The following DNAH10 variants were observed in gnomAD, a reference collection of about 807,000 sequenced individuals.
The protein encoded by DNAH10 is dynein axonemal heavy chain 10.
A neutral mutation model predicts 506.6 loss-of-function variants in DNAH10; 348 were observed. The observed-to-expected ratio is 0.69, with a 90% confidence interval of 0.63 to 0.75. DNAH10 has a LOEUF of 0.75. Among genes scored for constraint, DNAH10 ranks in the 30% least tolerant of loss-of-function variants. DNAH10 has a pLI of 0.00. For synonymous variants in DNAH10, 2,059 were observed against 2,198.6 expected (o/e 0.94, Z 1.78); for missense variants, 5,179 against 5,787.1 (o/e 0.89, Z 3.41).
intron 15 of DNAH10, 64 bp from the exon 16 acceptor site, chr12:123,801,217 G>T (rs1362992395): frequency 6.6e-7 from 1 of 1,507,346 alleles, no homozygotes; most frequent in Admixed American, 2.2e-5. Flanking sequence ...TCTCTTGACC[G>T]CAAAAGCTTT....
At position 123,935,678 on chromosome 12, in the gene DNAH10, G is replaced by A. The variant is rs1236750510; in HGVS notation, c.*197G>A. On this transcript the variant is annotated 3_prime_UTR_variant, in exon 79 of 79. Coordinates refer to ENST00000673944, the MANE Select transcript of DNAH10 (RefSeq NM_001372106.1). ...TTGTTTTTAATACTACTTTTTAAAA[G>A]GAATTTATATAATCAAAAAGTAAAT... The A allele has an allele frequency of 6.1e-6, 3 of 494,816 alleles. No homozygotes were observed. The highest frequency in any genetic ancestry group is 6.9e-6 in the Non-Finnish European group (2 of 291,064). The allele number at this position is 494,816 out of a possible 1,614,324, so 30.7% of individuals were successfully genotyped here. A position where few individuals can be genotyped will look rare whatever the true frequency, so the allele number is the denominator to read the frequency against.
rs142123133 is a variant in DNAH10 at position 123,925,005 on chromosome 12, T to C, written c.11767-45T>C. The C allele has an allele frequency of 4.5e-4, 725 of 1,607,652 alleles. 3 individuals are homozygous for C. In the African/African-American group the frequency reaches 9.1e-3, roughly 20 times the overall value. ...CTTCACACATAAATGGGGACCTATG[T>C]CATTTCTGAGTTGACGCACAATGAA... On this transcript the variant is annotated intron_variant, in intron 67 of 78. Coordinates refer to ENST00000673944, the MANE Select transcript of DNAH10 (RefSeq NM_001372106.1). This position sits in a 1 kb window ranked among gnomAD's most constrained non-coding sequence, Gnocchi z 4.0.
chr12:123,901,969 A>G (rs562800739), intron 56 of DNAH10, among the ~76,000 whole-genome samples: 51 of 152,230 alleles, frequency 3.4e-4, no homozygotes, highest in African/African-American at 1.2e-3. Context: ...CCAACAACAG[A>G]AATTTATTCT....
chr12:123,863,318 C>T (rs1221321399), intron 39 of DNAH10, among the ~76,000 whole-genome samples: 1 of 152,192 alleles, frequency 6.6e-6, no homozygotes, highest in African/African-American at 2.4e-5. Context: ...GTGTGTAACC[C>T]AGGGCTTGTG....
intron 23 of DNAH10, among the ~76,000 whole-genome samples, chr12:123,820,178 G>A (rs373590066): frequency 3.3e-5 from 5 of 152,286 alleles, no homozygotes; most frequent in Non-Finnish European, 5.9e-5. Context: ...GAGCAGGGAC[G>A]TAGTGACCTA....
Position 123,887,115 on chromosome 12 carries a change from C to G in DNAH10, c.8824-27C>G, listed in dbSNP as rs768885169. 1.1e-5 allele frequency: 18 copies of G among 1,577,764 alleles called. No homozygotes were observed. The Admixed American group carries it at 3.3e-4, about 29-fold the overall frequency. ...GGAAGGGAGGCTGGTGGTGGTGACG[C>G]CCATGTGCTCTGTGTCTGCATCGCA... On this transcript the variant is annotated intron_variant, in intron 51 of 78. Coordinates refer to ENST00000673944, the MANE Select transcript of DNAH10 (RefSeq NM_001372106.1).
intron 2 of DNAH10, among the ~76,000 whole-genome samples, chr12:123,769,699 T>C (rs1192088982): frequency 2.0e-5 from 3 of 152,128 alleles, no homozygotes; most frequent in Admixed American, 6.5e-5. Flanking sequence ...GGTGGTAAAA[T>C]GGATGTCACT....
chr12:123,837,704 A>G (rs1318464203), intron 28 of DNAH10, among the ~76,000 whole-genome samples: 3 of 150,772 alleles, frequency 2.0e-5, no homozygotes, highest in Non-Finnish European at 3.0e-5. Flanking sequence ...CCTCCCAGGT[A>G]GCTGGGACTG....
At chr12:123,790,598 G>T (rs1958042256) in intron 11 of DNAH10, among the ~76,000 whole-genome samples, 1 of 152,120 alleles carries the variant, frequency 6.6e-6, no homozygotes, top group Admixed American at 6.6e-5. Flanking sequence ...GGGGTTTCAG[G>T]TGGGAAGAAC....
chr12:123,866,189 T>A (rs1263474565), intron 41 of DNAH10, 116 bp downstream of exon 41: 1 of 606,484 alleles, frequency 1.6e-6, no homozygotes. Context: ...GACCTGCCCA[T>A]GTCCCTGAGC....
chr12:123,771,955 C>T (rs548152150), intron 3 of DNAH10, among the ~76,000 whole-genome samples: 2 of 152,212 alleles, frequency 1.3e-5, no homozygotes, highest in Non-Finnish European at 2.9e-5. Flanking sequence ...AAAAAACGTG[C>T]ACAGGACAGA....
Position 123,853,500 on chromosome 12 carries a change from G to T in DNAH10, c.6438+148G>T. On this transcript the variant is annotated intron_variant, in intron 36 of 78. Transcript: ENST00000673944. The surrounding 1 kb of genome is among the most constrained non-coding windows in gnomAD (Gnocchi z 4.7). Reference sequence around the variant, plus strand: ...TCACCCCGCGGTCTGGCCTTACTTTGGCCTCTTACCTGTTGTATCGTTTGC... The same window carrying T: ...TCACCCCGCGGTCTGGCCTTACTTTTGCCTCTTACCTGTTGTATCGTTTGC... 1 of 1,069,356 alleles carries T rather than the reference G, an allele frequency of 9.4e-7. No individual in the cohort carries two copies. Among genetic ancestry groups the T allele is most frequent in the Non-Finnish European group, 1.3e-6 (1 of 780,926 alleles). 66.2% of individuals were successfully genotyped at this position (1,069,356 alleles called of 1,614,324 possible).
chr12:123,808,673 C>G, intron 18 of DNAH10, 124 bp from the exon 19 acceptor site: 1 of 938,980 alleles, frequency 1.1e-6, no homozygotes, highest in Admixed American at 2.2e-5. Context: ...CTGTCTAGGA[C>G]AGCCTCACAG....
chr12:123,935,567 C>A lies in DNAH10; in HGVS notation c.*86C>A. 1 of 1,407,184 alleles carries A rather than the reference C, an allele frequency of 7.1e-7. No individual in the cohort carries two copies. The highest frequency in any genetic ancestry group is 1.9e-5 in the Admixed American group (1 of 53,074). The allele number at this position is 1,407,184 out of a possible 1,614,324, so 87.2% of individuals were successfully genotyped here. A position where few individuals can be genotyped will look rare whatever the true frequency, so the allele number is the denominator to read the frequency against. On this transcript the variant is annotated 3_prime_UTR_variant, in exon 79 of 79. Coordinates refer to ENST00000673944, the MANE Select transcript of DNAH10 (RefSeq NM_001372106.1). ...TCTGCTGTCATTTCTTGGGGCCTCTCAAGAGGCAGGAGGGGGACTGACACT... is the reference window on the plus strand; with the variant it reads ...TCTGCTGTCATTTCTTGGGGCCTCTAAAGAGGCAGGAGGGGGACTGACACT...
At chr12:123,818,370 T>C (rs554709993) in intron 21 of DNAH10, among the ~76,000 whole-genome samples, 1 of 152,206 alleles carries the variant, frequency 6.6e-6, no homozygotes, top group African/African-American at 2.4e-5. Context: ...GTCACCGAGG[T>C]TGGAGTGCAG....
rs143856393 is a variant in DNAH10, at chr12:123,907,349, A to G, written c.9816-1912A>G. ...GGGTTTATAAGGATTATTTTCCTCT[A>G]GGGAGGGTAGCATATCATTCTCCCT... On this transcript the variant is annotated intron_variant, in intron 57 of 78. Transcript: ENST00000673944. The surrounding 1 kb of genome is among the most constrained non-coding windows in gnomAD (Gnocchi z 4.4). Among the ~76,000 whole-genome samples, 289 of 152,296 alleles carry G rather than the reference A, an allele frequency of 1.9e-3. 3 individuals are homozygous for G. The highest frequency in any genetic ancestry group is 6.5e-3 in the African/African-American group (270 of 41,538).
chr12:123,933,261 C>G, intron 76 of DNAH10, 70 bp from the exon 77 acceptor site: 2 of 1,319,710 alleles, frequency 1.5e-6, no homozygotes, highest in African/African-American at 1.5e-5. Context: ...AACTAAACTT[C>G]CAGGCCAGCT....
chr12:123,880,742 G>GGC (rs1952471223), intron 50 of DNAH10, among the ~76,000 whole-genome samples: 1 of 151,198 alleles, frequency 6.6e-6, no homozygotes, highest in Non-Finnish European at 1.5e-5. Flanking sequence ...TGTTGGTGTA[G>GGC]TGCACCCATT....
chr12:123,870,542 G>T, intron 44 of DNAH10, 57 bp downstream of exon 44: 1 of 1,572,764 alleles, frequency 6.4e-7, no homozygotes. Context: ...ACTCGCTCTA[G>T]GAGGAGGCAA....
Sources: allele counts gnomAD v4.1 joint callset (sites outside exome capture counted in the v4.1 genomes callset), GRCh38; gene constraint gnomAD v4.1.1; non-coding constraint Gnocchi (gnomAD v3.1); transcripts MANE v1.5; gene names NCBI Gene and HGNC (gene_info 2026-07-23, HGNC 2026-07-21).